Variants in SEMA3E observed in about 807,000 individuals in gnomAD.
SEMA3E encodes the protein semaphorin 3E.
SEMA3E carries 49 observed loss-of-function variants against 93.6 expected under a neutral mutation model. The ratio of observed to expected loss-of-function variants is 0.52; its 90% CI spans 0.42 to 0.66. SEMA3E has a LOEUF of 0.66. SEMA3E is among the 30% of genes least tolerant of loss of function. The pLI is 0.00. For synonymous variants in SEMA3E, 363 were observed against 330.7 expected (o/e 1.10, Z -1.06); for missense variants, 906 against 964.8 (o/e 0.94, Z 0.81).
intron 15 of SEMA3E, among the ~76,000 whole-genome samples, chr7:83,386,346 A>G (rs973346144): frequency 6.6e-6 from 1 of 152,078 alleles, no homozygotes; most frequent in Non-Finnish European, 1.5e-5. Context: ...TAGTGAGCTC[A>G]GTGACACTAA....
At chr7:83,563,204 A>G (rs1243194603) in intron 1 of SEMA3E, among the ~76,000 whole-genome samples, 1 of 152,156 alleles carries the variant, frequency 6.6e-6, no homozygotes, top group Admixed American at 6.6e-5. Flanking sequence ...AACACAGACA[A>G]ACTCTCTGGC....
chr7:83,627,667 T>G (rs1379981663), intron 1 of SEMA3E, among the ~76,000 whole-genome samples: 1 of 143,134 alleles, frequency 7.0e-6, no homozygotes, highest in Non-Finnish European at 1.5e-5. Flanking sequence ...TCCATTTGCT[T>G]GGTAAATCTT....
At chr7:83,527,487 G>T (rs73176576) in intron 1 of SEMA3E, among the ~76,000 whole-genome samples, 23,141 of 152,108 alleles carry the variant, frequency 0.15, 2,343 homozygotes, top group Middle Eastern at 0.35. Context: ...GTATATGACA[G>T]TTAGGTCCCT....
At chr7:83,607,034 T>A (rs1164547350) in intron 1 of SEMA3E, among the ~76,000 whole-genome samples, 1 of 152,182 alleles carries the variant, frequency 6.6e-6, no homozygotes, top group African/African-American at 2.4e-5. Context: ...TGCTTCTATG[T>A]ATAATTGTAC....
intron 2 of SEMA3E, among the ~76,000 whole-genome samples, chr7:83,482,507 G>T (rs1790166479): frequency 7.0e-6 from 1 of 143,722 alleles, no homozygotes. Context: ...GGAGCTTGTA[G>T]TGAGCCGAGA....
At chr7:83,630,835 G>T (rs1793771788) in intron 1 of SEMA3E, among the ~76,000 whole-genome samples, 1 of 152,120 alleles carries the variant, frequency 6.6e-6, no homozygotes, top group Admixed American at 6.5e-5. Context: ...GCTGCAAAGA[G>T]ATTTGGCAAA....
intron 1 of SEMA3E, chr7:83,612,552 T>G (rs759665374): frequency 6.6e-6 from 1 of 152,128 alleles, no homozygotes; most frequent in Non-Finnish European, 1.5e-5. Flanking sequence ...TTTCAATTGA[T>G]TAGAAAAATA....
At chr7:83,501,969 A>G (rs1200212374) in intron 1 of SEMA3E, among the ~76,000 whole-genome samples, 1 of 152,180 alleles carries the variant, frequency 6.6e-6, no homozygotes, top group Non-Finnish European at 1.5e-5. Context: ...TCCATACTTG[A>G]GCAGCCAAGT....
intron 1 of SEMA3E, among the ~76,000 whole-genome samples, chr7:83,642,604 T>C (rs2115715438): frequency 6.6e-6 from 1 of 152,204 alleles, no homozygotes; most frequent in East Asian, 1.9e-4. Flanking sequence ...AAGGAATTAA[T>C]AATAACACTG....
intron 16 of SEMA3E, among the ~76,000 whole-genome samples, chr7:83,384,037 A>G (rs887975787): frequency 6.6e-6 from 1 of 152,068 alleles, no homozygotes; most frequent in African/African-American, 2.4e-5. Flanking sequence ...GACATCATGA[A>G]CAGAATTTTC....
At chr7:83,639,117 A>AAAAAAAAAAG (rs1793942728) in intron 1 of SEMA3E, among the ~76,000 whole-genome samples, 1 of 90,538 alleles carries the variant, frequency 1.1e-5, no homozygotes, top group Non-Finnish European at 2.2e-5. Context: ...TCTCAAAAAA[A>AAAAAAAAAAG]AAAAAAAAAA....
chr7:83,501,547 G>A (rs984478881), intron 1 of SEMA3E, among the ~76,000 whole-genome samples: 4 of 152,022 alleles, frequency 2.6e-5, no homozygotes, highest in East Asian at 1.9e-4. Context: ...CCACCTCCCG[G>A]GTTCAAGCAA....
At chr7:83,459,496 C>A (rs552121714) in intron 4 of SEMA3E, among the ~76,000 whole-genome samples, 1 of 152,146 alleles carries the variant, frequency 6.6e-6, no homozygotes, top group Non-Finnish European at 1.5e-5. Context: ...TTGTTGTACA[C>A]ATCTATATAT....
intron 4 of SEMA3E, among the ~76,000 whole-genome samples, chr7:83,455,868 G>T (rs1425479014): frequency 1.3e-5 from 2 of 152,194 alleles, no homozygotes; most frequent in Non-Finnish European, 2.9e-5. Flanking sequence ...CAACTGCAAG[G>T]AAGTGAATTC....
intron 4 of SEMA3E, among the ~76,000 whole-genome samples, chr7:83,430,176 C>A (rs1280588988): frequency 6.6e-6 from 1 of 151,844 alleles, no homozygotes; most frequent in Non-Finnish European, 1.5e-5. Flanking sequence ...ATAGAAAAGC[C>A]AAAATGGGCC....
intron 1 of SEMA3E, among the ~76,000 whole-genome samples, chr7:83,544,538 G>A (rs879763305): frequency 1.3e-5 from 2 of 152,106 alleles, no homozygotes; most frequent in South Asian, 4.1e-4. Context: ...GACACTAAGT[G>A]CTCACATGTA....
intron 1 of SEMA3E, among the ~76,000 whole-genome samples, chr7:83,533,684 G>C (rs1359883304): frequency 1.3e-5 from 2 of 152,162 alleles, no homozygotes; most frequent in Non-Finnish European, 2.9e-5. Context: ...ACAAGACAGG[G>C]AGGTGAGGAG....
chr7:83,589,402 A>T (rs763439110), intron 1 of SEMA3E, among the ~76,000 whole-genome samples: 1 of 152,134 alleles, frequency 6.6e-6, no homozygotes, highest in Non-Finnish European at 1.5e-5. Flanking sequence ...TAAAGATTTG[A>T]GTTTCATAGA....
chr7:83,517,502 C>G (rs1333020917), intron 1 of SEMA3E, among the ~76,000 whole-genome samples: 1 of 152,142 alleles, frequency 6.6e-6, no homozygotes, highest in African/African-American at 2.4e-5. Flanking sequence ...AGATTAATCA[C>G]TAAGTAAAGA....
Sources: gnomAD v4.1 joint callset for allele counts (sites outside exome capture counted in the v4.1 genomes callset) on GRCh38, gnomAD v4.1.1 for gene constraint, MANE v1.5 for transcripts, NCBI Gene and HGNC (gene_info 2026-07-23, HGNC 2026-07-21) for gene names.